ELAPOR2: variants seen among roughly 807,000 people sequenced by gnomAD.
ELAPOR2 encodes the protein endosome/lysosome-associated apoptosis and autophagy regulator family member 2.
A neutral mutation model predicts 120.7 loss-of-function variants in ELAPOR2; 89 were observed. The ratio of observed to expected loss-of-function variants is 0.74; its 90% CI spans 0.62 to 0.88. The LOEUF is 0.88. Ranked by LOEUF, ELAPOR2 falls within the 40% of genes least tolerant of loss-of-function variation. The pLI is 0.00. For missense variants in ELAPOR2, 1,134 were observed against 1,251.6 expected, an observed-to-expected ratio of 0.91 and a Z score of 1.42; for synonymous variants, 444 against 444.9, an observed-to-expected ratio of 1.00 and a Z score of 0.03.
intron 21 of ELAPOR2, among the ~76,000 whole-genome samples, chr7:86,881,503 C>T (rs574976223): frequency 6.6e-6 from 1 of 151,950 alleles, no homozygotes; most frequent in Non-Finnish European, 1.5e-5. Flanking sequence ...ATTATAGACA[C>T]CTGCCACCAC....
chr7:86,978,857 G>A (rs573519733), intron 1 of ELAPOR2, among the ~76,000 whole-genome samples: 1 of 152,278 alleles, frequency 6.6e-6, no homozygotes, highest in Non-Finnish European at 1.5e-5. Flanking sequence ...AACTATACTA[G>A]ACACCAGGAA....
intron 4 of ELAPOR2, 95 bp downstream of exon 4, chr7:86,944,804 C>A (rs1790936349): frequency 4.0e-5 from 39 of 974,514 alleles, no homozygotes; most frequent in South Asian, 2.0e-4. Flanking sequence ...AAAAAAAAAA[C>A]TGAGGAGGAA....
intron 10 of ELAPOR2, among the ~76,000 whole-genome samples, chr7:86,921,978 T>C (rs1159901321): frequency 6.6e-6 from 1 of 152,132 alleles, no homozygotes. Context: ...GAAATTTTAA[T>C]ATATTTTATT....
At chr7:86,911,825 T>C (rs1299216729) in intron 15 of ELAPOR2, 5 of 578,848 alleles carry the variant, frequency 8.6e-6, no homozygotes, top group Admixed American at 2.6e-5. Flanking sequence ...ACTTACACCA[T>C]AGCTCCAAGC....
chr7:87,032,460 T>C (rs187325526), intron 1 of ELAPOR2, among the ~76,000 whole-genome samples: 46 of 152,306 alleles, frequency 3.0e-4, no homozygotes, highest in Non-Finnish European at 4.9e-4. Context: ...GTCCATCAAT[T>C]TTTATTCTGA....
At chr7:86,957,580 G>A (rs1280658465) in intron 2 of ELAPOR2, among the ~76,000 whole-genome samples, 3 of 151,964 alleles carry the variant, frequency 2.0e-5, no homozygotes, top group Non-Finnish European at 2.9e-5. Flanking sequence ...CAAACAATAT[G>A]TTAAGTATGG....
chr7:86,921,600 T>A (rs1789832711), intron 10 of ELAPOR2, among the ~76,000 whole-genome samples: 1 of 152,094 alleles, frequency 6.6e-6, no homozygotes, highest in African/African-American at 2.4e-5. Context: ...TTTCTGTTGT[T>A]TGAAGCCACC....
chr7:87,032,749 A>G (rs112230340), intron 1 of ELAPOR2, among the ~76,000 whole-genome samples: 7 of 152,308 alleles, frequency 4.6e-5, no homozygotes, highest in African/African-American at 1.7e-4. Context: ...TGAGATCCTC[A>G]AAGTTCATCA....
chr7:87,004,718 G>T (rs555803982), intron 1 of ELAPOR2, among the ~76,000 whole-genome samples: 1 of 152,270 alleles, frequency 6.6e-6, no homozygotes, highest in East Asian at 1.9e-4. Flanking sequence ...CAGCTGCACA[G>T]CTAATTACAG....
At chr7:86,954,156 C>A (rs1167787685) in intron 2 of ELAPOR2, among the ~76,000 whole-genome samples, 1 of 152,088 alleles carries the variant, frequency 6.6e-6, no homozygotes, top group Non-Finnish European at 1.5e-5. Context: ...CCTAGGACTG[C>A]TTATAATAAT....
intron 1 of ELAPOR2, among the ~76,000 whole-genome samples, chr7:87,036,862 T>C (rs1794605021): frequency 6.6e-6 from 1 of 152,158 alleles, no homozygotes; most frequent in African/African-American, 2.4e-5. Flanking sequence ...GGATCATTCA[T>C]ATCCCAAACC....
At chr7:87,023,340 G>A (rs1198095612) in intron 1 of ELAPOR2, among the ~76,000 whole-genome samples, 1 of 152,128 alleles carries the variant, frequency 6.6e-6, no homozygotes, top group Non-Finnish European at 1.5e-5. Context: ...CCCATTTCTT[G>A]TTTTTGTCAG....
chr7:87,011,676 C>T (rs1328191835), intron 1 of ELAPOR2, among the ~76,000 whole-genome samples: 1 of 152,130 alleles, frequency 6.6e-6, no homozygotes, highest in African/African-American at 2.4e-5. Flanking sequence ...ATAACAACCA[C>T]CTATAATGAG....
intron 12 of ELAPOR2, among the ~76,000 whole-genome samples, chr7:86,916,966 T>A (rs1340213970): frequency 7.0e-6 from 1 of 142,994 alleles, no homozygotes; most frequent in Non-Finnish European, 1.5e-5. Context: ...TTTTTTTTTT[T>A]TTTTTTTTTT....
rs1788237373 is a variant in ELAPOR2 at position 86,892,901 on chromosome 7, A to T, written c.2864+21T>A. 3.4e-6 allele frequency: 5 copies of T among 1,479,818 alleles called. 1 individual carries two copies. In the South Asian group the frequency reaches 7.5e-5, roughly 22 times the overall value. 91.7% of individuals were successfully genotyped at this position (1,479,818 alleles called of 1,614,324 possible). A position where few individuals can be genotyped will look rare whatever the true frequency, so the allele number is the denominator to read the frequency against. On this transcript the variant is annotated intron_variant, in intron 20 of 21. Transcript: ENST00000450689. ...AAATAGGCCCTCTAGCTCTCTTGTG[A>T]TCATCTCAGAGGGTACTTACTTTTG... is the stretch of plus-strand genomic sequence containing the variant.
chr7:86,925,761 T>A, intron 9 of ELAPOR2, 105 bp from the exon 10 acceptor site: 2 of 1,079,990 alleles, frequency 1.9e-6, no homozygotes, highest in Non-Finnish European at 2.7e-6. Context: ...GGGAGAGAAG[T>A]GGAAAAAAAA....
At chr7:86,954,179 T>G (rs1791380739) in intron 2 of ELAPOR2, among the ~76,000 whole-genome samples, 1 of 152,156 alleles carries the variant, frequency 6.6e-6, no homozygotes, top group South Asian at 2.1e-4. Context: ...AATGTGAGAC[T>G]CTGGAAGCCA....
intron 1 of ELAPOR2, among the ~76,000 whole-genome samples, chr7:87,048,354 T>C (rs182444783): frequency 7.2e-5 from 11 of 151,878 alleles, no homozygotes; most frequent in African/African-American, 2.4e-4. Context: ...CTGGAGGTAA[T>C]TGTGTTAAGT....
chr7:87,001,058 G>A (rs1280936611), intron 1 of ELAPOR2, among the ~76,000 whole-genome samples: 1 of 152,090 alleles, frequency 6.6e-6, no homozygotes, highest in Non-Finnish European at 1.5e-5. Context: ...CCTCCAAAAT[G>A]AGGTTCCCTG....
Sources: allele counts gnomAD v4.1 joint callset (sites outside exome capture counted in the v4.1 genomes callset), GRCh38; gene constraint gnomAD v4.1.1; transcripts MANE v1.5; gene names NCBI Gene and HGNC (gene_info 2026-07-23, HGNC 2026-07-21).